The following SNTG1 variants were observed in gnomAD, a reference collection of about 807,000 sequenced individuals.
The protein encoded by SNTG1 is gamma-1-syntrophin.
SNTG1 carries 39 observed loss-of-function variants against 74.7 expected under a neutral mutation model. The observed-to-expected ratio is 0.52, with a 90% CI of 0.40 to 0.68. The LOEUF (loss-of-function observed/expected upper bound fraction) is 0.68. Ranked by LOEUF, SNTG1 falls within the 30% of genes least tolerant of loss-of-function variation. The pLI is 0.00. For synonymous variants in SNTG1, 254 were observed against 217.1 expected (o/e 1.17, Z -1.49); for missense variants, 685 against 609.5 (o/e 1.12, Z -1.30).
At chr8:50,714,024 A>T (rs2095469102) in intron 17 of SNTG1, among the ~76,000 whole-genome samples, 1 of 141,488 alleles carries the variant, frequency 7.1e-6, no homozygotes, top group African/African-American at 2.6e-5. Context: ...GCACCACTGC[A>T]CTCCAGCCTG....
intron 1 of SNTG1, among the ~76,000 whole-genome samples, chr8:50,091,138 G>A (rs1335006300): frequency 2.6e-5 from 4 of 151,998 alleles, no homozygotes; most frequent in Non-Finnish European, 4.4e-5. Flanking sequence ...TTTGGAGCAA[G>A]AGAAAATGAG....
intron 1 of SNTG1, among the ~76,000 whole-genome samples, chr8:50,149,845 C>A (rs1209891632): frequency 1.3e-5 from 2 of 152,176 alleles, no homozygotes; most frequent in South Asian, 4.2e-4. Context: ...CAGCTTTGTT[C>A]TTTTGGCTTA....
intron 17 of SNTG1, among the ~76,000 whole-genome samples, chr8:50,711,405 A>T (rs115203774): frequency 1.8e-3 from 271 of 152,268 alleles, no homozygotes; most frequent in African/African-American, 6.2e-3. Context: ...CCAACTTTGA[A>T]GTTACTACAG....
At chr8:50,199,448 C>G (rs1185509160) in intron 2 of SNTG1, among the ~76,000 whole-genome samples, 1 of 152,038 alleles carries the variant, frequency 6.6e-6, no homozygotes, top group African/African-American at 2.4e-5. Flanking sequence ...GAACTCTTGA[C>G]CTCAGGTGAT....
chr8:50,011,643 T>A (rs189750102), intron 1 of SNTG1: 3 of 152,260 alleles, frequency 2.0e-5, no homozygotes, highest in Admixed American at 2.0e-4. Flanking sequence ...AAAAAAGATC[T>A]TTTGAGCCTT....
At chr8:50,610,163 C>G (rs939464201) in intron 13 of SNTG1, among the ~76,000 whole-genome samples, 1 of 152,118 alleles carries the variant, frequency 6.6e-6, no homozygotes, top group African/African-American at 2.4e-5. Context: ...GGATCTGTCT[C>G]CCTTGTGGTG....
intron 18 of SNTG1, among the ~76,000 whole-genome samples, chr8:50,764,895 T>C (rs949953343): frequency 6.6e-6 from 1 of 151,964 alleles, no homozygotes; most frequent in African/African-American, 2.4e-5. Flanking sequence ...CATCAACTGA[T>C]AAATGGATAA....
chr8:50,130,292 G>A (rs1366737805), intron 1 of SNTG1, among the ~76,000 whole-genome samples: 3 of 152,062 alleles, frequency 2.0e-5, no homozygotes, highest in Non-Finnish European at 2.9e-5. Flanking sequence ...GCTAATTGGA[G>A]TTTCAGAAAG....
chr8:49,972,374 A>C (rs1811770917), intron 1 of SNTG1, among the ~76,000 whole-genome samples: 1 of 152,212 alleles, frequency 6.6e-6, no homozygotes, highest in Admixed American at 6.5e-5. Flanking sequence ...TTCAAGATGG[A>C]TTAAAGACTT....
At chr8:50,501,117 G>A (rs563409704) in intron 8 of SNTG1, among the ~76,000 whole-genome samples, 1 of 152,210 alleles carries the variant, frequency 6.6e-6, no homozygotes, top group African/African-American at 2.4e-5. Context: ...CGTTGTCACC[G>A]CTCACTGATG....
intron 1 of SNTG1, among the ~76,000 whole-genome samples, chr8:50,103,481 A>G (rs2080232383): frequency 6.6e-6 from 1 of 152,176 alleles, no homozygotes; most frequent in East Asian, 1.9e-4. Context: ...GGGGTTTTCT[A>G]GATATACAAT....
chr8:49,973,174 C>CCATAG, intron 1 of SNTG1, among the ~76,000 whole-genome samples: 1 of 152,244 alleles, frequency 6.6e-6, no homozygotes, highest in Non-Finnish European at 1.5e-5. Context: ...CCATGGAATA[C>CCATAG]TATGCAGCCA....
intron 1 of SNTG1, among the ~76,000 whole-genome samples, chr8:50,065,782 C>T (rs906874762): frequency 3.9e-5 from 6 of 152,158 alleles, no homozygotes; most frequent in African/African-American, 1.2e-4. Context: ...GGAGGGAGTA[C>T]ATTTGATGAA....
chr8:49,935,257 G>A (rs1012747098), intron 1 of SNTG1, among the ~76,000 whole-genome samples: 4 of 149,910 alleles, frequency 2.7e-5, no homozygotes, highest in South Asian at 2.1e-4. Context: ...GTGTTAAAGC[G>A]CTTCTGAATG....
intron 2 of SNTG1, among the ~76,000 whole-genome samples, chr8:50,222,552 A>G (rs1393952153): frequency 3.3e-5 from 5 of 152,208 alleles, no homozygotes; most frequent in African/African-American, 4.8e-5. Context: ...AACTAGAGTC[A>G]TCCTCCAGTG....
intron 15 of SNTG1, 144 bp from the exon 16 acceptor site, chr8:50,704,456 G>T (rs2095436583): frequency 2.1e-6 from 2 of 973,588 alleles, no homozygotes; most frequent in South Asian, 2.6e-5. Context: ...CGGAGTTCTG[G>T]TATAATGTCT....
chr8:50,319,001 G>A (rs1464386312), intron 2 of SNTG1, among the ~76,000 whole-genome samples: 1 of 151,340 alleles, frequency 6.6e-6, no homozygotes, highest in Non-Finnish European at 1.5e-5. Context: ...GTATATGTGT[G>A]TATATACACA....
Position 50,390,161 on chromosome 8 carries a change from G to T in SNTG1, c.-27-4051G>T. ...TTTTAGATATGAAGTCCTTGTCCATGCCTATGTCCTGAATGGTATTGCCTA... is the reference window on the plus strand; with the variant it reads ...TTTTAGATATGAAGTCCTTGTCCATTCCTATGTCCTGAATGGTATTGCCTA... On this transcript the variant is annotated intron_variant, in intron 2 of 18. Transcript: ENST00000642720. 1.3e-5 allele frequency among the ~76,000 whole-genome samples: 2 copies of T among 151,696 alleles called. 1 individual carries two copies. The highest frequency in any genetic ancestry group is 3.9e-4 in the East Asian group (2 of 5,134).
At chr8:50,276,841 T>C (rs1238793735) in intron 2 of SNTG1, among the ~76,000 whole-genome samples, 5 of 151,832 alleles carry the variant, frequency 3.3e-5, no homozygotes, top group Non-Finnish European at 7.4e-5. Flanking sequence ...ATTCTTTTTT[T>C]CTTTTCTTTT....
Sources: gnomAD v4.1 joint callset for allele counts (sites outside exome capture counted in the v4.1 genomes callset) on GRCh38, gnomAD v4.1.1 for gene constraint, MANE v1.5 for transcripts, NCBI Gene and HGNC (gene_info 2026-07-23, HGNC 2026-07-21) for gene names.